PRSS55: variants seen among roughly 807,000 people sequenced by gnomAD.
The protein encoded by PRSS55 is serine protease 55, also known as probable serine protease UNQ9391/PRO34284.
In PRSS55, 41 loss-of-function variants were observed where a neutral mutation model predicts 23.6. The observed-to-expected ratio is 1.74, with a 90% CI of 1.35 to 2.26. The LOEUF is 2.26. Among genes scored for constraint, PRSS55 ranks in the 30% most tolerant of loss-of-function variants. The pLI, the probability that PRSS55 is intolerant of heterozygous loss-of-function variation, is 0.00. For synonymous variants in PRSS55, 262 were observed against 175.5 expected (o/e 1.49, Z -3.90); for missense variants, 669 against 439.1 (o/e 1.52, Z -4.68).
intron 4 of PRSS55, among the ~76,000 whole-genome samples, chr8:10,546,564 A>C (rs1812822900): frequency 6.6e-6 from 1 of 152,176 alleles, no homozygotes; most frequent in Non-Finnish European, 1.5e-5. Context: ...AAAGCCTTAG[A>C]CTTGGCTCTG....
At chr8:10,539,461 C>G (rs1812581215), downstream of PRSS55, among the ~76,000 whole-genome samples, 1 of 152,234 alleles carries the variant, frequency 6.6e-6, no homozygotes, top group Admixed American at 6.5e-5. Context: ...ACCTTAAAGA[C>G]AACAGCTTAC....
At chr8:10,531,206 G>T in intron 2 of PRSS55, 89 bp from the exon 3 acceptor site, 1 of 1,512,936 alleles carries the variant, frequency 6.6e-7, no homozygotes, top group Non-Finnish European at 9.1e-7. Flanking sequence ...GAGCTACATG[G>T]GATTTAGGTT....
intron 1 of PRSS55, among the ~76,000 whole-genome samples, chr8:10,527,647 G>A (rs1003191363): frequency 1.2e-4 from 18 of 152,370 alleles, no homozygotes; most frequent in South Asian, 8.3e-4. Flanking sequence ...GCCACATGGC[G>A]CAGTGGTGAG....
At chr8:10,539,445 C>T (rs1034697198), downstream of PRSS55, among the ~76,000 whole-genome samples, 4 of 152,250 alleles carry the variant, frequency 2.6e-5, no homozygotes, top group African/African-American at 4.8e-5. Flanking sequence ...TGCTTATGCT[C>T]ACCCTACCTT....
downstream of PRSS55, among the ~76,000 whole-genome samples, chr8:10,540,049 C>G (rs1041613180): frequency 6.6e-6 from 1 of 152,200 alleles, no homozygotes; most frequent in Non-Finnish European, 1.5e-5. Flanking sequence ...TGTTCAGAGG[C>G]TCTCGCCTCT....
intron 1 of PRSS55, among the ~76,000 whole-genome samples, chr8:10,527,173 CTG>C (rs2117004740): frequency 6.6e-6 from 1 of 152,336 alleles, no homozygotes; most frequent in South Asian, 2.1e-4. Context: ...AAACATTTTC[CTG>C]TGTTGTTAAA....
intron 4 of PRSS55, among the ~76,000 whole-genome samples, chr8:10,546,883 G>A (rs1211433420): frequency 6.6e-6 from 1 of 151,918 alleles, no homozygotes; most frequent in Non-Finnish European, 1.5e-5. Flanking sequence ...TTCCCCCTAT[G>A]TTTCCCAGGC....
chr8:10,545,996 G>A (rs1196953998), intron 4 of PRSS55, among the ~76,000 whole-genome samples: 1 of 152,088 alleles, frequency 6.6e-6, no homozygotes, highest in Non-Finnish European at 1.5e-5. Flanking sequence ...TTACCCTGAG[G>A]CTCAGATGCT....
At chr8:10,528,121 C>G (rs1369541636) in intron 1 of PRSS55, among the ~76,000 whole-genome samples, 1 of 151,782 alleles carries the variant, frequency 6.6e-6, no homozygotes, top group Non-Finnish European at 1.5e-5. Flanking sequence ...ATTGCTTGAA[C>G]CTGGGAGGCA....
At chr8:10,538,175 C>A (rs1272162739) in intron 4 of PRSS55, among the ~76,000 whole-genome samples, 2 of 152,176 alleles carry the variant, frequency 1.3e-5, no homozygotes, top group Non-Finnish European at 2.9e-5. Context: ...AGTCTCCACT[C>A]ATCCCTTGGC....
chr8:10,543,876 G>T (rs371401304), intron 4 of PRSS55, among the ~76,000 whole-genome samples: 11 of 152,152 alleles, frequency 7.2e-5, no homozygotes, highest in African/African-American at 2.4e-4. Flanking sequence ...TTCCACTGAG[G>T]TTGGAGAACA....
intron 1 of PRSS55, among the ~76,000 whole-genome samples, chr8:10,526,582 T>A (rs2117002121): frequency 6.6e-6 from 1 of 152,356 alleles, no homozygotes; most frequent in Non-Finnish European, 1.5e-5. Context: ...AAGCAGCCGT[T>A]TCTGCTTCCA....
Position 10,532,230 on chromosome 8 carries a change from C to T in PRSS55, c.599-676C>T, listed in dbSNP as rs554378793. 2.6e-4 allele frequency among the ~76,000 whole-genome samples: 40 copies of T among 152,122 alleles called. No homozygotes were observed. In the South Asian group the frequency reaches 5.6e-3, roughly 21 times the overall value. ...GGAGTTTAGCAACCAGAGGGGGAAGCGGTGGGACCTTAGTTCTGGGCTCCA... is the reference window on the plus strand; with the variant it reads ...GGAGTTTAGCAACCAGAGGGGGAAGTGGTGGGACCTTAGTTCTGGGCTCCA... On this transcript the variant is annotated intron_variant, in intron 3 of 4. Transcript: ENST00000328655.
At position 10,530,337 on chromosome 8, in the gene PRSS55, C is replaced by T. The variant is rs141637609; in HGVS notation, c.347+638C>T. Among the ~76,000 whole-genome samples, 453 of 152,246 alleles carry T rather than the reference C, an allele frequency of 3.0e-3. 1 individual carries two copies. The highest frequency in any genetic ancestry group is 9.9e-3 in the African/African-American group (413 of 41,556). On this transcript the variant is annotated intron_variant, in intron 2 of 4. Transcript: ENST00000328655. ...TAAAAATACAAAAATTAGCTGGGCG[C>T]GGTGGCGTGCGCCTGTAGTCCCAGC...
Position 10,538,785 on chromosome 8 carries a change from T to C in PRSS55, c.1051T>C (p.Leu351=), listed in dbSNP as rs747063711. The C allele has an allele frequency of 6.4e-6, 10 of 1,562,570 alleles. No homozygotes were observed. The highest frequency in any genetic ancestry group is 1.7e-4 in the Middle Eastern group (1 of 5,780). Residue 351 remains leucine (L), a synonymous_variant, in exon 5 of 5, where the codon TTG becomes CTG. Transcript: ENST00000328655. The part of the protein sequence containing the change: ...PLSHVLFRAI[L]Y ...GTCCCATGTGTTGTTCAGAGCTATTTTGTACTGATAATAAAATAGAGGCTA... is the reference window on the plus strand; with the variant it reads ...GTCCCATGTGTTGTTCAGAGCTATTCTGTACTGATAATAAAATAGAGGCTA...
intron 4 of PRSS55, among the ~76,000 whole-genome samples, chr8:10,549,335 G>T (rs1812899991): frequency 6.6e-6 from 1 of 152,248 alleles, no homozygotes; most frequent in South Asian, 2.1e-4. Flanking sequence ...TGGGAGTGAG[G>T]GGACAGCTGC....
chr8:10,548,663 G>C (rs571261756), intron 4 of PRSS55, among the ~76,000 whole-genome samples: 2 of 152,288 alleles, frequency 1.3e-5, no homozygotes, highest in East Asian at 3.9e-4. Flanking sequence ...AGCAGACGAG[G>C]AGCTGTTGGG....
intron 4 of PRSS55, among the ~76,000 whole-genome samples, chr8:10,537,857 C>T (rs1014148890): frequency 1.3e-5 from 2 of 152,128 alleles, no homozygotes; most frequent in African/African-American, 2.4e-5. Context: ...TGAAGGTGGA[C>T]GGAAGGATGT....
chr8:10,551,045 C>A (rs539600101), intron 4 of PRSS55, among the ~76,000 whole-genome samples: 1 of 152,350 alleles, frequency 6.6e-6, no homozygotes, highest in African/African-American at 2.4e-5. Flanking sequence ...CTCTTACTAT[C>A]TTCTTATTCA....
Sources: gnomAD v4.1 joint callset for allele counts (sites outside exome capture counted in the v4.1 genomes callset) on GRCh38, gnomAD v4.1.1 for gene constraint, MANE v1.5 for transcripts, NCBI Gene and HGNC (gene_info 2026-07-23, HGNC 2026-07-21) for gene names.